SNX29: variants seen among roughly 807,000 people sequenced by gnomAD.
SNX29 encodes the protein sorting nexin 29.
SNX29 carries 78 observed loss-of-function variants against 102.1 expected under a neutral mutation model. That is an observed-to-expected ratio of 0.76 (90% CI 0.64 to 0.92). SNX29 has a LOEUF of 0.92. Ranked by LOEUF, SNX29 falls within the 40% of genes least tolerant of loss-of-function variation. The probability of loss-of-function intolerance (pLI) is 0.00; values close to 1 mark genes in which losing one functional copy is unlikely to be tolerated. For missense variants in SNX29, 1,280 were observed against 1,061.7 expected (o/e 1.21, Z -2.86); for synonymous variants, 580 against 414.5 (o/e 1.40, Z -4.85).
chr16:12,527,024 A>C (rs2076802805), intron 20 of SNX29: 1 of 402,154 alleles, frequency 2.5e-6, no homozygotes. Context: ...AGACTGTGGC[A>C]AATGACACAG....
intron 4 of SNX29, among the ~76,000 whole-genome samples, chr16:12,032,322 C>T (rs2057368488): frequency 6.6e-6 from 1 of 151,802 alleles, no homozygotes; most frequent in Non-Finnish European, 1.5e-5. Context: ...ATTCTCCTGC[C>T]TCAGCCTCCC....
At chr16:12,377,785 T>G (rs147946124) in intron 16 of SNX29, among the ~76,000 whole-genome samples, 46 of 152,262 alleles carry the variant, frequency 3.0e-4, no homozygotes, top group African/African-American at 1.1e-3. Flanking sequence ...GTTGAGTTTT[T>G]CAGTTTCCTG....
At chr16:12,321,044 C>T (rs1378768307) in intron 15 of SNX29, among the ~76,000 whole-genome samples, 1 of 152,188 alleles carries the variant, frequency 6.6e-6, no homozygotes, top group African/African-American at 2.4e-5. Context: ...TCACCCTCCT[C>T]ATCTAGCCTC....
intron 17 of SNX29, among the ~76,000 whole-genome samples, chr16:12,399,441 C>A (rs2083851588): frequency 6.6e-6 from 1 of 152,212 alleles, no homozygotes; most frequent in African/African-American, 2.4e-5. Flanking sequence ...TCTCATTCAT[C>A]TCTGGCGAGT....
chr16:12,228,796 C>A (rs573963450), intron 14 of SNX29, among the ~76,000 whole-genome samples: 7 of 152,338 alleles, frequency 4.6e-5, no homozygotes, highest in African/African-American at 1.7e-4. Context: ...CCACTGTCCA[C>A]GTGAAAAAGC....
intron 2 of SNX29, among the ~76,000 whole-genome samples, 199 bp downstream of exon 2, chr16:11,999,557 T>G (rs1284300345): frequency 5.9e-5 from 9 of 152,268 alleles, no homozygotes; most frequent in Non-Finnish European, 2.9e-5. Context: ...TCCTGTGTCT[T>G]GAATTCCCAA....
intron 10 of SNX29, among the ~76,000 whole-genome samples, chr16:12,071,851 C>A (rs545088695): frequency 2.6e-5 from 4 of 152,290 alleles, no homozygotes; most frequent in Admixed American, 6.5e-5. Flanking sequence ...TTTCATTGAG[C>A]AGTGGTTTGT....
At chr16:12,368,939 C>A (rs2082583453) in intron 16 of SNX29, among the ~76,000 whole-genome samples, 1 of 152,142 alleles carries the variant, frequency 6.6e-6, no homozygotes, top group Non-Finnish European at 1.5e-5. Flanking sequence ...ATGGATTCAT[C>A]AAAATCCTGA....
chr16:12,224,838 A>T (rs551490610), intron 14 of SNX29, among the ~76,000 whole-genome samples: 1 of 152,212 alleles, frequency 6.6e-6, no homozygotes, highest in South Asian at 2.1e-4. Context: ...GGCAAACGTG[A>T]CAGGGTTCTA....
At chr16:12,151,576 C>T (rs1437927332) in intron 13 of SNX29, among the ~76,000 whole-genome samples, 3 of 152,198 alleles carry the variant, frequency 2.0e-5, no homozygotes, top group Non-Finnish European at 4.4e-5. Flanking sequence ...CTGCCCGGGA[C>T]TCGTACCCCA....
intron 19 of SNX29, among the ~76,000 whole-genome samples, chr16:12,483,119 T>TGTTTTTG (rs1555549919): frequency 1.2e-4 from 12 of 100,546 alleles, no homozygotes; most frequent in Non-Finnish European, 1.9e-4. Flanking sequence ...ATTAAGTTTT[T>TGTTTTTG]TTTTTTTTTT....
chr16:12,378,242 C>T (rs1421149628), intron 16 of SNX29, among the ~76,000 whole-genome samples: 1 of 152,090 alleles, frequency 6.6e-6, no homozygotes, highest in African/African-American at 2.4e-5. Flanking sequence ...AGGGTGTTTC[C>T]ACTCGTGGCA....
At chr16:12,353,991 C>T (rs1462785886) in intron 15 of SNX29, among the ~76,000 whole-genome samples, 1 of 152,098 alleles carries the variant, frequency 6.6e-6, no homozygotes, top group African/African-American at 2.4e-5. Flanking sequence ...CCATAAGTGC[C>T]CTCAAAGCCT....
chr16:12,361,631 A>G (rs916304036), intron 16 of SNX29, among the ~76,000 whole-genome samples: 7 of 152,216 alleles, frequency 4.6e-5, no homozygotes, highest in South Asian at 2.1e-4. Flanking sequence ...CACACTGAGA[A>G]GTGGCACTTC....
Position 12,356,262 on chromosome 16 carries a change from A to G in SNX29, c.1882A>G (p.Ile628Val). Residue 628 changes from isoleucine to valine, a missense_variant, in exon 16 of 21, where the codon ATC (isoleucine) becomes GTC (valine). Physicochemically the swap from Ile to Val is conservative, Grantham distance 29. Coordinates refer to ENST00000566228, the MANE Select transcript of SNX29 (RefSeq NM_032167.5). ...CGTGTCCCAGATGAGGCAGGAGCTC[A>G]TCGATCTCCGGGGACCGGTGAGTGT... is the stretch of plus-strand genomic sequence containing the variant. ...ALVSQMRQEL[I>V]DLRGPVPGDL... 1.9e-6 allele frequency: 3 copies of G among 1,609,522 alleles called. No individual in the cohort carries two copies. The highest frequency in any genetic ancestry group is 2.5e-6 in the Non-Finnish European group (3 of 1,178,184).
chr16:11,983,409 A>G (rs897601464), intron 1 of SNX29, among the ~76,000 whole-genome samples: 3 of 152,036 alleles, frequency 2.0e-5, no homozygotes, highest in African/African-American at 7.2e-5. Context: ...TGAAGGTCAC[A>G]GTTTTCTCCT....
chr16:12,561,434 C>G (rs1158547021), intron 20 of SNX29, among the ~76,000 whole-genome samples: 4 of 152,238 alleles, frequency 2.6e-5, no homozygotes, highest in Non-Finnish European at 4.4e-5. Flanking sequence ...TTGCAGGGAT[C>G]CAGCCCTCTA....
intron 13 of SNX29, among the ~76,000 whole-genome samples, chr16:12,155,047 C>A (rs1193191092): frequency 2.0e-5 from 3 of 152,158 alleles, no homozygotes; most frequent in Non-Finnish European, 4.4e-5. Flanking sequence ...GCTTCTCATT[C>A]TGCCTCCCAC....
intron 15 of SNX29, among the ~76,000 whole-genome samples, chr16:12,334,652 C>T (rs1019498497): frequency 2.6e-5 from 4 of 152,166 alleles, no homozygotes; most frequent in African/African-American, 9.6e-5. Context: ...AATTTATTGA[C>T]AATGCTGAAC....
Sources: allele counts gnomAD v4.1 joint callset (sites outside exome capture counted in the v4.1 genomes callset), GRCh38; gene constraint gnomAD v4.1.1; transcripts MANE v1.5; gene names NCBI Gene and HGNC (gene_info 2026-07-23, HGNC 2026-07-21).